The following FAM227B variants were observed in gnomAD, a reference collection of about 807,000 sequenced individuals.
The protein encoded by FAM227B is protein FAM227B.
In FAM227B, 88 loss-of-function variants were observed where a neutral mutation model predicts 73.8. The observed-to-expected ratio is 1.19, with a 90% CI of 1.00 to 1.42. The LOEUF (loss-of-function observed/expected upper bound fraction) is 1.42. FAM227B is among the 40% of genes most tolerant of loss of function. The pLI is 0.00. For synonymous variants in FAM227B, 210 were observed against 190.5 expected (o/e 1.10, Z -0.84); for missense variants, 632 against 590.9 (o/e 1.07, Z -0.72).
intron 13 of FAM227B, among the ~76,000 whole-genome samples, chr15:49,362,726 G>C (rs2044455612): frequency 1.3e-5 from 2 of 151,546 alleles, no homozygotes; most frequent in Admixed American, 1.3e-4. Flanking sequence ...TATGTCCTAG[G>C]TTATCTTCCA....
At chr15:49,616,670 C>T (rs1169802963) in intron 1 of FAM227B, among the ~76,000 whole-genome samples, 1 of 152,120 alleles carries the variant, frequency 6.6e-6, no homozygotes, top group Non-Finnish European at 1.5e-5. Flanking sequence ...GTCATCTACT[C>T]TGTGGTATTC....
chr15:49,614,130 G>C (rs564575638), intron 2 of FAM227B, among the ~76,000 whole-genome samples: 139 of 152,152 alleles, frequency 9.1e-4, no homozygotes, highest in Non-Finnish European at 1.6e-3. Context: ...TTAAATTAAA[G>C]GGAATTAGAA....
intron 11 of FAM227B, among the ~76,000 whole-genome samples, chr15:49,420,226 T>G (rs1234989862): frequency 2.0e-5 from 3 of 152,196 alleles, no homozygotes; most frequent in Non-Finnish European, 4.4e-5. Flanking sequence ...TTTGTCTTTA[T>G]TCATTACAGC....
intron 11 of FAM227B, among the ~76,000 whole-genome samples, chr15:49,417,068 G>A (rs980150622): frequency 6.6e-6 from 1 of 152,042 alleles, no homozygotes; most frequent in Non-Finnish European, 1.5e-5. Flanking sequence ...CCATAAAAGA[G>A]CCTGAAGATC....
chr15:49,481,263 T>C (rs1339249115), intron 11 of FAM227B, among the ~76,000 whole-genome samples: 1 of 152,252 alleles, frequency 6.6e-6, no homozygotes, highest in African/African-American at 2.4e-5. Flanking sequence ...CAATTACTTT[T>C]GCACCAACCT....
In FAM227B at chr15:49,616,835, C is replaced by G. The variant is rs569787370; in HGVS notation, c.-72-1592G>C. ...TGATATAAATATTTATTCTTAATATCCTCCTATTATCTTTGCAATCTGTAG... is the reference window on the plus strand; with the variant it reads ...TGATATAAATATTTATTCTTAATATGCTCCTATTATCTTTGCAATCTGTAG... On this transcript the variant is annotated intron_variant, in intron 1 of 15. Transcript: ENST00000299338. Among the ~76,000 whole-genome samples, 7 of 152,116 alleles carry G rather than the reference C, an allele frequency of 4.6e-5. No individual in the cohort carries two copies. The South Asian group carries it at 1.5e-3, about 32-fold the overall frequency.
chr15:49,529,692 T>A (rs1462637703), intron 10 of FAM227B, among the ~76,000 whole-genome samples: 1 of 151,702 alleles, frequency 6.6e-6, no homozygotes, highest in Non-Finnish European at 1.5e-5. Context: ...AGAGTCAAGA[T>A]ACAGAACAGA....
chr15:49,546,256 T>G (rs1214175683), intron 9 of FAM227B, among the ~76,000 whole-genome samples: 1 of 152,100 alleles, frequency 6.6e-6, no homozygotes, highest in African/African-American at 2.4e-5. Context: ...ATGGTTTCCA[T>G]TTTCATCCAT....
At chr15:49,329,501 A>C (rs1177375636) in intron 15 of FAM227B, 1 of 985,220 alleles carries the variant, frequency 1.0e-6, no homozygotes, top group East Asian at 1.1e-4. Flanking sequence ...CTAGAATTTC[A>C]GTTTAAGGGA....
chr15:49,493,249 ACCAATTGTAGAAC>A (rs2057277755), intron 11 of FAM227B, among the ~76,000 whole-genome samples: 2 of 151,972 alleles, frequency 1.3e-5, no homozygotes, highest in Non-Finnish European at 2.9e-5. Context: ...TATGTCAATT[ACCAATTGTAGAAC>A]CCATGTTGTC....
rs574151966 is a variant in FAM227B at position 49,455,700 on chromosome 15, G to A, written c.1012+52511C>T. 4.6e-5 allele frequency among the ~76,000 whole-genome samples: 7 copies of A among 152,180 alleles called. No homozygotes were observed. The East Asian group carries it at 1.4e-3, about 29-fold the overall frequency. ...GGCAGCACTTAAATAAGTGATTTTG[G>A]TGTTTTAAACATCAAATGTATGCTA... is the stretch of plus-strand genomic sequence containing the variant. On this transcript the variant is annotated intron_variant, in intron 11 of 15. Transcript: ENST00000299338.
intron 11 of FAM227B, among the ~76,000 whole-genome samples, chr15:49,403,921 C>T (rs2048344910): frequency 6.6e-6 from 1 of 152,162 alleles, no homozygotes; most frequent in Non-Finnish European, 1.5e-5. Context: ...CCTCTTAACA[C>T]TGCCGTAGCT....
At chr15:49,393,150 AG>A (rs1245247169) in intron 11 of FAM227B, among the ~76,000 whole-genome samples, 2 of 152,190 alleles carry the variant, frequency 1.3e-5, no homozygotes, top group African/African-American at 4.8e-5. Flanking sequence ...TGTTTTGGTG[AG>A]TGAGGTCAGT....
intron 12 of FAM227B, among the ~76,000 whole-genome samples, chr15:49,370,375 C>T (rs960773594): frequency 1.3e-5 from 2 of 152,182 alleles, no homozygotes; most frequent in Non-Finnish European, 2.9e-5. Flanking sequence ...ACCAGATATA[C>T]AATTTTTATT....
chr15:49,360,489 T>TA lies in FAM227B; in HGVS notation c.1271+6958dup, dbSNP rs572395413. On this transcript the variant is annotated intron_variant, in intron 13 of 15. Coordinates refer to ENST00000299338, the MANE Select transcript of FAM227B (RefSeq NM_152647.3). ...TTTAAATAATTTGCATTTTGCATGT[T>TA]AAAAAAATTATTAAATTTTTGGGTA... Among the ~76,000 whole-genome samples, 8 of 152,298 alleles carry TA rather than the reference T, an allele frequency of 5.3e-5. No homozygotes were observed. The East Asian group carries it at 1.4e-3, about 26-fold the overall frequency.
intron 10 of FAM227B, among the ~76,000 whole-genome samples, chr15:49,537,914 G>T (rs2070500816): frequency 6.6e-6 from 1 of 152,126 alleles, no homozygotes; most frequent in Admixed American, 6.6e-5. Context: ...ACCAGGCAAG[G>T]TGGGTGGGGT....
chr15:49,355,752 ACTC>A (rs1395132185), intron 13 of FAM227B, among the ~76,000 whole-genome samples: 2 of 151,354 alleles, frequency 1.3e-5, no homozygotes, highest in Non-Finnish European at 3.0e-5. Context: ...CCACAAAGAT[ACTC>A]CTCGAGAAGA....
chr15:49,377,973 CAGT>C (rs2046280297), intron 11 of FAM227B, among the ~76,000 whole-genome samples: 2 of 152,004 alleles, frequency 1.3e-5, no homozygotes, highest in African/African-American at 4.8e-5. Flanking sequence ...TGTTTTCTTG[CAGT>C]AGTTTTGTAG....
chr15:49,616,819 T>C (rs1451440110), intron 1 of FAM227B, among the ~76,000 whole-genome samples: 1 of 152,222 alleles, frequency 6.6e-6, no homozygotes, highest in Non-Finnish European at 1.5e-5. Flanking sequence ...TTGATATAAA[T>C]ATTTATTCTT....
Sources: gnomAD v4.1 joint callset for allele counts (sites outside exome capture counted in the v4.1 genomes callset) on GRCh38, gnomAD v4.1.1 for gene constraint, MANE v1.5 for transcripts, NCBI Gene and HGNC (gene_info 2026-07-23, HGNC 2026-07-21) for gene names.